The following WASHC2A variants were observed in gnomAD, a reference collection of about 807,000 sequenced individuals.
WASHC2A encodes WASH complex subunit FAM21A.
In WASHC2A, 82 loss-of-function variants were observed where a neutral mutation model predicts 140.3. The ratio of observed to expected loss-of-function variants is 0.58; its 90% confidence interval spans 0.49 to 0.70. The LOEUF is 0.70. Ranked by LOEUF, WASHC2A falls within the 30% of genes least tolerant of loss-of-function variation. The pLI, the probability that WASHC2A is intolerant of heterozygous loss-of-function variation, is 0.00. For missense variants in WASHC2A, 985 were observed against 1,521.8 expected (o/e 0.65, Z 5.87); for synonymous variants, 340 against 560.8 (o/e 0.61, Z 5.56).
At chr10:50,120,494 C>T (rs1842931902) in intron 23 of WASHC2A, among the ~76,000 whole-genome samples, 1 of 137,154 alleles carries the variant, frequency 7.3e-6, no homozygotes, top group African/African-American at 2.9e-5. Flanking sequence ...ATGACGCTTG[C>T]CTGTAATCCC....
At chr10:50,100,985 T>C (rs1435442539) in intron 17 of WASHC2A, among the ~76,000 whole-genome samples, 58 of 152,418 alleles carry the variant, frequency 3.8e-4, no homozygotes, top group African/African-American at 1.3e-3. Flanking sequence ...CAGAAAAATA[T>C]GTGGACATGG....
intron 20 of WASHC2A, among the ~76,000 whole-genome samples, chr10:50,110,658 C>T (rs1351641930): frequency 7.2e-5 from 11 of 151,986 alleles, no homozygotes; most frequent in Admixed American, 4.6e-4. Context: ...TTTGGGAGGC[C>T]GAGGTGGGCG....
chr10:50,075,395 A>G (rs1486706175), intron 3 of WASHC2A, among the ~76,000 whole-genome samples: 1 of 151,164 alleles, frequency 6.6e-6, no homozygotes, highest in African/African-American at 2.4e-5. Context: ...ATTCCTTGGT[A>G]TCTCTGCCTT....
intron 19 of WASHC2A, among the ~76,000 whole-genome samples, chr10:50,108,910 AAAG>A (rs1842023161): frequency 6.6e-6 from 1 of 151,296 alleles, no homozygotes. Context: ...AAAAAAAAAA[AAAG>A]AAGACCTGAC....
At chr10:50,107,375 A>T (rs1841882796) in intron 19 of WASHC2A, among the ~76,000 whole-genome samples, 1 of 144,152 alleles carries the variant, frequency 6.9e-6, no homozygotes, top group African/African-American at 2.5e-5. Context: ...CAAATCAGTT[A>T]GTTTAGTTGC....
intron 7 of WASHC2A, 138 bp from the exon 8 acceptor site, chr10:50,087,137 A>G (rs1265803376): frequency 1.8e-6 from 2 of 1,100,518 alleles, no homozygotes; most frequent in African/African-American, 3.1e-5. Flanking sequence ...ACCAGTAGTC[A>G]GTACAAAGAG....
chr10:50,073,882 A>G (rs541153973), intron 3 of WASHC2A, among the ~76,000 whole-genome samples: 882 of 57,192 alleles, frequency 0.015, 59 homozygotes, highest in African/African-American at 0.047. Context: ...TCTTTAGTAG[A>G]CTTCTTACAA....
intron 13 of WASHC2A, among the ~76,000 whole-genome samples, chr10:50,094,347 G>A (rs1437754025): frequency 9.6e-5 from 14 of 145,348 alleles, no homozygotes; most frequent in Non-Finnish European, 1.8e-4. Context: ...TTTTAGTAGA[G>A]ACAGGGTTTC....
intron 3 of WASHC2A, among the ~76,000 whole-genome samples, chr10:50,070,327 T>G (rs1470986941): frequency 6.6e-6 from 1 of 151,936 alleles, no homozygotes; most frequent in Non-Finnish European, 1.5e-5. Context: ...ACAAAGGAAG[T>G]AAGTATGGCT....
At position 50,097,323 on chromosome 10, in the gene WASHC2A, A is replaced by G. The variant is rs1258330352; in HGVS notation, c.1421-352A>G. On this transcript the variant is annotated intron_variant, in intron 15 of 30. Coordinates refer to ENST00000282633, the MANE Select transcript of WASHC2A (RefSeq NM_001005751.3). ...CAGGAGCCAAGCCTTCATTTCTCAG[A>G]TTCCTTAGATGATTGACTTGGTGGC... Among the ~76,000 whole-genome samples the G allele has an allele frequency of 2.0e-5, 3 of 151,578 alleles. No homozygotes were observed. In the Admixed American group the frequency reaches 2.0e-4, roughly 10 times the overall value.
intron 16 of WASHC2A, among the ~76,000 whole-genome samples, chr10:50,098,325 A>G (rs1346193936): frequency 2.6e-5 from 4 of 152,046 alleles, no homozygotes; most frequent in East Asian, 3.9e-4. Context: ...TCATACTGCA[A>G]TTTCCTCTCT....
At chr10:50,101,508 C>G (rs1476967929) in intron 17 of WASHC2A, among the ~76,000 whole-genome samples, 1 of 152,428 alleles carries the variant, frequency 6.6e-6, no homozygotes, top group East Asian at 1.9e-4. Flanking sequence ...CTACTTCCCA[C>G]TAAAGTACGT....
chr10:50,110,275 G>C lies in WASHC2A; in HGVS notation c.2039+5G>C. ...TTTTGCCATTGCCAAGGACAGGTGA[G>C]ATAGTCATTGGAAGGAGTCCCTCAC... is the stretch of plus-strand genomic sequence containing the variant. On this transcript the variant is annotated splice_donor_5th_base_variant and intron_variant, in intron 20 of 30. Transcript: ENST00000282633. 3 of 1,611,718 alleles carry C rather than the reference G, an allele frequency of 1.9e-6. No homozygotes were observed. The highest frequency in any genetic ancestry group is 2.5e-6 in the Non-Finnish European group (3 of 1,179,714).
rs1389169541 is a variant in WASHC2A, at chr10:50,082,247, C to T, written c.528+1316C>T. ...GTCAGTGAGAATTAGTCCAAATTAACGCTGTCTTTGCCTTATGCTCCATTG... is the reference window on the plus strand; with the variant it reads ...GTCAGTGAGAATTAGTCCAAATTAATGCTGTCTTTGCCTTATGCTCCATTG... On this transcript the variant is annotated intron_variant, in intron 5 of 30. Coordinates refer to ENST00000282633, the MANE Select transcript of WASHC2A (RefSeq NM_001005751.3). 6.0e-5 allele frequency among the ~76,000 whole-genome samples: 9 copies of T among 149,856 alleles called. No homozygotes were observed. In the South Asian group the frequency reaches 6.5e-4, roughly 11 times the overall value.
chr10:50,090,515 A>AAAAAATATATATATATAT (rs1214596899), intron 8 of WASHC2A, among the ~76,000 whole-genome samples: 2 of 108,766 alleles, frequency 1.8e-5, no homozygotes, highest in African/African-American at 6.5e-5. Context: ...AAAAAAAAAA[A>AAAAAATATATATATATAT]ATATATATAT....
intron 19 of WASHC2A, among the ~76,000 whole-genome samples, chr10:50,109,406 G>T (rs2259340): frequency 6.7e-6 from 1 of 150,284 alleles, no homozygotes; most frequent in African/African-American, 2.5e-5. Flanking sequence ...AGGATTTTTA[G>T]AATTAAAATA....
chr10:50,111,469 TC>T (rs1842283288), intron 20 of WASHC2A, among the ~76,000 whole-genome samples: 1 of 151,972 alleles, frequency 6.6e-6, no homozygotes, highest in Non-Finnish European at 1.5e-5. Flanking sequence ...TTACCTAACT[TC>T]CCTGTGCCTC....
intron 17 of WASHC2A, among the ~76,000 whole-genome samples, chr10:50,100,437 A>G (rs1263268021): frequency 1.3e-5 from 2 of 152,028 alleles, no homozygotes; most frequent in Non-Finnish European, 2.9e-5. Context: ...AACCGAGATC[A>G]CACCATTGCA....
At chr10:50,121,496 C>T (rs61856733) in intron 23 of WASHC2A, among the ~76,000 whole-genome samples, 27,998 of 149,070 alleles carry the variant, frequency 0.19, 3,361 homozygotes, top group East Asian at 0.49. Context: ...TGGGTTCAAG[C>T]GATTCTCCTG....
Sources: gnomAD v4.1 joint callset for allele counts (sites outside exome capture counted in the v4.1 genomes callset) on GRCh38, gnomAD v4.1.1 for gene constraint, MANE v1.5 for transcripts, NCBI Gene and HGNC (gene_info 2026-07-23, HGNC 2026-07-21) for gene names.